YJU2: variants seen among roughly 807,000 people sequenced by gnomAD.
The protein encoded by YJU2 is YJU2 splicing factor homolog, also known as splicing factor YJU2.
A neutral mutation model predicts 39.6 loss-of-function variants in YJU2; 28 were observed. That is an observed-to-expected ratio of 0.71 (90% confidence interval 0.52 to 0.97). The LOEUF is 0.97. Among genes scored for constraint, YJU2 ranks in the 50% least tolerant of loss-of-function variants. YJU2 has a pLI of 0.00. For missense variants in YJU2, 328 were observed against 430.4 expected (o/e 0.76, Z 2.11); for synonymous variants, 184 against 182.4 (o/e 1.01, Z -0.07).
intron 1 of YJU2, among the ~76,000 whole-genome samples, chr19:4,247,555 C>G (rs1219860044): frequency 2.8e-5 from 2 of 71,040 alleles, no homozygotes; most frequent in Non-Finnish European, 4.7e-5. Flanking sequence ...CAATCGTGTA[C>G]TTTGGGTGGG....
intron 1 of YJU2, among the ~76,000 whole-genome samples, chr19:4,247,536 G>A (rs941787413): frequency 1.4e-5 from 2 of 142,914 alleles, no homozygotes; most frequent in Non-Finnish European, 3.1e-5. Flanking sequence ...CCCACTTGGG[G>A]ACTGTAACCA....
At chr19:4,256,362 G>A (rs2144692934) in intron 4 of YJU2, among the ~76,000 whole-genome samples, 1 of 151,702 alleles carries the variant, frequency 6.6e-6, no homozygotes, top group East Asian at 1.9e-4. Flanking sequence ...TGAGTTTTCT[G>A]AGCAAGCCAC....
At chr19:4,265,628 G>A (rs553689014) in intron 6 of YJU2, among the ~76,000 whole-genome samples, 5 of 146,250 alleles carry the variant, frequency 3.4e-5, no homozygotes, top group East Asian at 2.1e-4. Context: ...TTGTTCTTTC[G>A]CCCAGGCTGG....
chr19:4,258,654 G>A (rs533500489), intron 5 of YJU2, among the ~76,000 whole-genome samples: 3 of 152,360 alleles, frequency 2.0e-5, no homozygotes, highest in Admixed American at 1.3e-4. Flanking sequence ...TTGTCACAGC[G>A]AGAGGACACA....
rs773536293 is a variant in YJU2, at chr19:4,258,283, G to A, written c.447G>A (p.Glu149=). ...CCAAGGACTCCAAGCTGGAGATGGA[G>A]GTGCTGGAGAACCTCCAGGAGCTGA... ...NRTKDSKLEM[E]VLENLQELKD... Residue 149 remains glutamate (E), a synonymous_variant, in exon 5 of 8, where the codon GAG becomes GAA. Coordinates refer to ENST00000262962, the MANE Select transcript of YJU2 (RefSeq NM_018074.6). 1.8e-5 allele frequency: 28 copies of A among 1,559,648 alleles called. No homozygotes were observed. The highest frequency in any genetic ancestry group is 2.3e-5 in the Non-Finnish European group (27 of 1,151,366).
chr19:4,249,358 C>G (rs986681815), intron 2 of YJU2, 30 bp downstream of exon 2: 55 of 1,455,914 alleles, frequency 3.8e-5, no homozygotes, highest in Non-Finnish European at 4.8e-5. Context: ...CCCCACACAC[C>G]AGTCATGGCT....
chr19:4,256,314 TCTTATCTATTC>T (rs1413393460), intron 4 of YJU2, among the ~76,000 whole-genome samples: 10 of 149,442 alleles, frequency 6.7e-5, no homozygotes, highest in Non-Finnish European at 1.5e-5. Context: ...TCCCATCCAT[TCTTATCTATTC>T]CTGGACCCAC....
At chr19:4,252,706 C>A (rs1970987383) in intron 3 of YJU2, among the ~76,000 whole-genome samples, 1 of 152,058 alleles carries the variant, frequency 6.6e-6, no homozygotes, top group African/African-American at 2.4e-5. Context: ...AGAAGGATCG[C>A]TTAAATCCAG....
intron 6 of YJU2, among the ~76,000 whole-genome samples, chr19:4,264,507 A>G (rs527338517): frequency 7.1e-6 from 1 of 141,834 alleles, no homozygotes; most frequent in East Asian, 2.1e-4. Flanking sequence ...TTTTTTTTTT[A>G]GACAGTTTCA....
chr19:4,253,198 T>TACACACACACACACACAC (rs58339658), intron 3 of YJU2, among the ~76,000 whole-genome samples: 1 of 139,076 alleles, frequency 7.2e-6, no homozygotes, highest in Non-Finnish European at 1.5e-5. Flanking sequence ...TGTCCGTGTC[T>TACACACACACACACACAC]ACACACACAC....
chr19:4,267,877 G>C (rs934610347), intron 7 of YJU2, 103 bp downstream of exon 7: 3 of 1,104,426 alleles, frequency 2.7e-6, no homozygotes, highest in Non-Finnish European at 3.8e-6. Flanking sequence ...GTGGGTGGGG[G>C]CGGCCTGCGA....
chr19:4,254,920 G>C (rs952089006), intron 4 of YJU2, among the ~76,000 whole-genome samples: 1 of 152,016 alleles, frequency 6.6e-6, no homozygotes, highest in African/African-American at 2.4e-5. Flanking sequence ...GCCAGGCATG[G>C]TGGCACGCTT....
intron 6 of YJU2, among the ~76,000 whole-genome samples, chr19:4,263,591 T>C (rs908705304): frequency 6.6e-6 from 1 of 150,622 alleles, no homozygotes; most frequent in Non-Finnish European, 1.5e-5. Context: ...AGGCGGATCA[T>C]CTGAGGTCAG....
chr19:4,251,561 T>A (rs1369480759), intron 3 of YJU2, among the ~76,000 whole-genome samples: 1 of 151,790 alleles, frequency 6.6e-6, no homozygotes, highest in Non-Finnish European at 1.5e-5. Context: ...GGTGGCGGAC[T>A]ATAATCCCAG....
chr19:4,254,622 T>A, intron 4 of YJU2, 133 bp downstream of exon 4: 1 of 1,323,706 alleles, frequency 7.6e-7, no homozygotes, highest in Non-Finnish European at 1.0e-6. Context: ...GGTAAAACTT[T>A]AAGATGTCCC....
chr19:4,247,573 GGGGTGGCGCGT>G (rs1970931253), intron 1 of YJU2, among the ~76,000 whole-genome samples: 3 of 87,686 alleles, frequency 3.4e-5, no homozygotes, highest in African/African-American at 1.9e-4. Context: ...GGGGTGGGGT[GGGGTGGCGCGT>G]GTGTGTGTGT....
intron 1 of YJU2, chr19:4,248,322 T>A (rs1300416942): frequency 6.6e-6 from 1 of 152,228 alleles, no homozygotes; most frequent in African/African-American, 2.4e-5. Context: ...TTGGAGCACC[T>A]ACTGGGTGCC....
intron 3 of YJU2, 141 bp from the exon 4 acceptor site, chr19:4,254,214 T>C (rs10853970): frequency 0.34 from 241,710 of 711,218 alleles, 45,398 homozygotes; most frequent in African/African-American, 0.64. Context: ...ATCTCACCAG[T>C]CAAAGCAATA....
In YJU2 at chr19:4,267,729, G is replaced by T; in HGVS notation, c.814G>T (p.Asp272Tyr). ...RLVVVKKAKA[D>Y]PDCSNGQPQA... ...GGTCGTGGTGAAGAAGGCAAAGGCC[G>T]ACCCGGACTGCAGCAACGGGCAGCC... Residue 272 changes from aspartate to tyrosine, a missense_variant, in exon 7 of 8, where the codon GAC becomes TAC. Asp to Tyr is a radical substitution (Grantham distance 160). This residue lies in a region of YJU2 where 244 missense variants were observed against 264.6 expected (regional missense o/e 0.92). Coordinates refer to ENST00000262962, the MANE Select transcript of YJU2 (RefSeq NM_018074.6). 6.2e-7 allele frequency: 1 copy of T among 1,613,040 alleles called. No individual in the cohort carries two copies. The highest frequency in any genetic ancestry group is 8.5e-7 in the Non-Finnish European group (1 of 1,179,836).
Sources: allele counts gnomAD v4.1 joint callset (sites outside exome capture counted in the v4.1 genomes callset), GRCh38; gene constraint gnomAD v4.1.1; regional missense constraint gnomAD v4.1.1; transcripts MANE v1.5; gene names NCBI Gene and HGNC (gene_info 2026-07-23, HGNC 2026-07-21).